SLITRK5: variants seen among roughly 807,000 people sequenced by gnomAD.
The protein encoded by SLITRK5 is SLIT and NTRK like family member 5.
In SLITRK5, 23 loss-of-function variants were observed where a neutral mutation model predicts 56.2. The observed-to-expected ratio is 0.41, with a 90% CI of 0.29 to 0.58. SLITRK5 has a LOEUF of 0.58. Ranked by LOEUF, SLITRK5 falls within the 20% of genes least tolerant of loss-of-function variation. The pLI is 0.30. For synonymous variants in SLITRK5, 637 were observed against 531.8 expected, an observed-to-expected ratio of 1.20 and a Z score of -2.72; for missense variants, 1,289 against 1,226.6, an observed-to-expected ratio of 1.05 and a Z score of -0.76.
In SLITRK5 at chr13:87,678,482, CTCT is replaced by C; in HGVS notation, c.*222_*224del. On this transcript the variant is annotated 3_prime_UTR_variant, in exon 2 of 2. Transcript: ENST00000683689. Reference sequence around the variant, plus strand: ...TTGTGTAAACTGGGCACATCACTTTCTCTTCTTGCGTGTGGGGCAGGTGTGGAG... The same window carrying C: ...TTGTGTAAACTGGGCACATCACTTTCTCTTGCGTGTGGGGCAGGTGTGGAG... 3.4e-6 allele frequency: 2 copies of C among 582,088 alleles called. No homozygotes were observed. Among genetic ancestry groups the C allele is most frequent in the Non-Finnish European group, 3.1e-6 (1 of 323,098 alleles). 36.1% of individuals were successfully genotyped at this position (582,088 alleles called of 1,614,324 possible).
rs1877270558 is a variant in SLITRK5 at position 87,676,291 on chromosome 13, C to T, written c.903C>T (p.Ser301=). The T allele has an allele frequency of 1.9e-6, 3 of 1,614,152 alleles. No individual in the cohort carries two copies. Among genetic ancestry groups the T allele is most frequent in the Non-Finnish European group, 2.5e-6 (3 of 1,180,030 alleles). ...AGATGAGGCCGCAGACGCCTTTGAG[C>T]ACCACGGGGTATTTACACACCACCC... The part of the protein sequence containing the change: ...DYEMRPQTPL[S]TTGYLHTTPA... Residue 301 remains serine (S), a synonymous_variant, in exon 2 of 2, where the codon AGC becomes AGT. Coordinates refer to ENST00000683689, the MANE Select transcript of SLITRK5 (RefSeq NM_001384609.1).
At chr13:87,674,433 G>A (rs1272055620) in intron 1 of SLITRK5, 2 of 983,948 alleles carry the variant, frequency 2.0e-6, no homozygotes, top group African/African-American at 3.5e-5. Context: ...GCTGATCCTT[G>A]GTGTACTGAT....
rs1359137447 is a variant in SLITRK5, at chr13:87,675,981, G to T, written c.593G>T (p.Arg198Leu). 6.2e-7 allele frequency: 1 copy of T among 1,614,058 alleles called. No individual in the cohort carries two copies. Among genetic ancestry groups the T allele is most frequent in the Non-Finnish European group, 8.5e-7 (1 of 1,180,016 alleles). The change falls in exon 2 of 2, where the codon CGT (arginine) becomes CTT (leucine). Residue 198 changes from arginine (R) to leucine (L), a missense_variant. This residue lies in a region of SLITRK5 where 291 missense variants were observed against 286.7 expected (regional missense o/e 1.02). Coordinates refer to ENST00000683689, the MANE Select transcript of SLITRK5 (RefSeq NM_001384609.1). ...LLSSLPNNLF[R>L]FVPLTHLDLR... The stretch of plus-strand genomic sequence containing the variant: ...TCCAGTTTACCCAACAATCTTTTCC[G>T]TTTTGTGCCCTTAACGCACTTGGAC...
In SLITRK5 at chr13:87,676,611, C is replaced by T. The variant is rs1289903966; in HGVS notation, c.1223C>T (p.Pro408Leu). The T allele has an allele frequency of 6.2e-7, 1 of 1,614,056 alleles. No homozygotes were observed. The highest frequency in any genetic ancestry group is 1.1e-5 in the South Asian group (1 of 91,088). ...AGCATCGCTGAACTGCAGCCCAAGC[C>T]CTACAATCCCAAGAAAATGTATCTG... Reference protein sequence around the residue: ...IESIAELQPKPYNPKKMYLTE... With the variant: ...IESIAELQPKLYNPKKMYLTE... Residue 408 changes from proline to leucine, a missense_variant, in exon 2 of 2, where the codon CCC becomes CTC. This residue lies in a region of SLITRK5 where 985 missense variants were observed against 906.0 expected (regional missense o/e 1.09). Transcript: ENST00000683689.
At position 87,672,027 on chromosome 13, in the gene SLITRK5, C is replaced by A. The variant is rs1027590513; in HGVS notation, c.-191C>A. 6.6e-5 allele frequency among the ~76,000 whole-genome samples: 10 copies of A among 152,108 alleles called. No homozygotes were observed. Among genetic ancestry groups the A allele is most frequent in the Non-Finnish European group, 1.0e-4 (7 of 68,028 alleles). On this transcript the variant is annotated 5_prime_UTR_variant, in exon 1 of 2. Coordinates refer to ENST00000683689, the MANE Select transcript of SLITRK5 (RefSeq NM_001384609.1). Reference sequence around the variant, plus strand: ...CGCGACCCGCTCCCTCTGGCTCGTCCCCCGGCGTGCGCCACTGACCAGGGG... The same window carrying A: ...CGCGACCCGCTCCCTCTGGCTCGTCACCCGGCGTGCGCCACTGACCAGGGG...
rs1268095131 is a variant in SLITRK5 at position 87,679,561 on chromosome 13, C to T, written c.*1296C>T. The T allele has an allele frequency of 1.2e-5, 2 of 166,532 alleles. No homozygotes were observed. Among genetic ancestry groups the T allele is most frequent in the African/African-American group, 4.8e-5 (2 of 41,310 alleles). 10.3% of individuals were successfully genotyped at this position (166,532 alleles called of 1,614,324 possible). On this transcript the variant is annotated 3_prime_UTR_variant, in exon 2 of 2. Transcript: ENST00000683689. ...TGTTGTTACAGTCTCATATGTATCC[C>T]AGCACATGTAATTTTTTAAATAGTT...
At position 87,676,985 on chromosome 13, in the gene SLITRK5, C is replaced by T. The variant is rs539339819; in HGVS notation, c.1597C>T (p.Leu533=). Residue 533 remains leucine, a synonymous_variant, in exon 2 of 2, where the codon CTA becomes TTA. Transcript: ENST00000683689. ...GVFSGLTLLR[L]NLRSNHFTSL... ...CTTCTCTGGCTTGACCCTCCTCAGG[C>T]TAAACCTGAGGAGTAACCACTTCAC... The T allele has an allele frequency of 6.2e-7, 1 of 1,614,110 alleles. No homozygotes were observed. Among genetic ancestry groups the T allele is most frequent in the Non-Finnish European group, 8.5e-7 (1 of 1,180,006 alleles).
rs1403145849 is a variant in SLITRK5 at position 87,677,515 on chromosome 13, C to T, written c.2127C>T (p.Ser709=). The T allele has an allele frequency of 6.2e-7, 1 of 1,612,000 alleles. No individual in the cohort carries two copies. The highest frequency in any genetic ancestry group is 1.3e-5 in the African/African-American group (1 of 74,912). The change falls in exon 2 of 2, where the codon TCC becomes TCT. Residue 709 remains serine, a synonymous_variant. Transcript: ENST00000683689. This position sits in a 1 kb window ranked among gnomAD's most constrained non-coding sequence, Gnocchi z 4.7. ...HTSTNNSDVS[S]FNMQYSVYGG... ...GCACCAACAACTCCGACGTGAGCTC[C>T]TTTAACATGCAGTACAGCGTGTACG...
At position 87,675,444 on chromosome 13, in the gene SLITRK5, A is replaced by G. The variant is rs1425688482; in HGVS notation, c.56A>G (p.His19Arg). The G allele has an allele frequency of 6.2e-7, 1 of 1,614,194 alleles. No individual in the cohort carries two copies. Among genetic ancestry groups the G allele is most frequent in the South Asian group, 1.1e-5 (1 of 91,086 alleles). Residue 19 changes from histidine (H) to arginine (R), a missense_variant, in exon 2 of 2, where the codon CAT becomes CGT. By Grantham distance (29) the His-to-Arg change is conservative. Around this residue, in one of 3 missense-constraint regions of SLITRK5, gnomAD observed 291 missense variants for 286.7 expected, o/e 1.02. Transcript: ENST00000683689. The stretch of plus-strand genomic sequence containing the variant: ...GAACAGGACCTTCACAGAAAAATGC[A>G]TAGCTGGATGCTGCAGACTCTAGCG... ...TLEQDLHRKM[H>R]SWMLQTLAFA...
At position 87,671,828 on chromosome 13, in the gene SLITRK5, G is replaced by T. The variant is rs931585884; in HGVS notation, c.-390G>T. Among the ~76,000 whole-genome samples the T allele has an allele frequency of 1.3e-5, 2 of 152,078 alleles. No homozygotes were observed. Among genetic ancestry groups the T allele is most frequent in the Non-Finnish European group, 1.5e-5 (1 of 67,968 alleles). On this transcript the variant is annotated 5_prime_UTR_variant, in exon 1 of 2. Transcript: ENST00000683689. ...GCGGGCTCGGCGCGGAGACAGCGTC[G>T]GCGGGATCCCAGCGCGGTGGTCGCC... is the stretch of plus-strand genomic sequence containing the variant.
At chr13:87,675,133 A>G (rs1877214669) in intron 1 of SLITRK5, among the ~76,000 whole-genome samples, 1 of 152,168 alleles carries the variant, frequency 6.6e-6, no homozygotes, top group Non-Finnish European at 1.5e-5. Context: ...ACCTGCTCTT[A>G]TCTTGTAAGG....
chr13:87,677,670 A>C lies in SLITRK5; in HGVS notation c.2282A>C (p.Lys761Thr). 1 of 1,606,330 alleles carries C rather than the reference A, an allele frequency of 6.2e-7. No individual in the cohort carries two copies. Among genetic ancestry groups the C allele is most frequent in the Non-Finnish European group, 8.5e-7 (1 of 1,174,014 alleles). Residue 761 changes from lysine (K) to threonine (T), a missense_variant, in exon 2 of 2, where the codon AAA becomes ACA. By Grantham distance (78) the Lys-to-Thr change is moderately conservative. Around this residue, in one of 3 missense-constraint regions of SLITRK5, gnomAD observed 985 missense variants for 906.0 expected, o/e 1.09. Coordinates refer to ENST00000683689, the MANE Select transcript of SLITRK5 (RefSeq NM_001384609.1). This position sits in a 1 kb window ranked among gnomAD's most constrained non-coding sequence, Gnocchi z 4.7. ...CCCCACCCACTGGGCCACATGTGCA[A>C]AAACCCCATCTACCGCTCCCGAGAG... ...YIPHPLGHMCKNPIYRSREGN... is the reference protein window; with the variant it reads ...YIPHPLGHMCTNPIYRSREGN...
chr13:87,677,284 G>T lies in SLITRK5; in HGVS notation c.1896G>T (p.Ala632=). ...TPTPSSIQVP[A]RTSAVTPAVR... is the part of the protein sequence containing the mutation. ...CACCCTCCTCTATCCAGGTCCCTGC[G>T]AGGACCAGCGCCGTGACTCCTGCGG... is the stretch of plus-strand genomic sequence containing the variant. The change falls in exon 2 of 2, where the codon GCG becomes GCT. Residue 632 remains alanine (A), a synonymous_variant. Coordinates refer to ENST00000683689, the MANE Select transcript of SLITRK5 (RefSeq NM_001384609.1). The surrounding 1 kb of genome is among the most constrained non-coding windows in gnomAD (Gnocchi z 4.7). 1.2e-6 allele frequency: 2 copies of T among 1,614,138 alleles called. No homozygotes were observed. The highest frequency in any genetic ancestry group is 2.2e-5 in the South Asian group (2 of 91,088).
chr13:87,678,043 T>G lies in SLITRK5; in HGVS notation c.2655T>G (p.Ala885=), dbSNP rs1464088069. The part of the protein sequence containing the change: ...PEYPKFPCSP[A]AYTFSPNYDL... ...ATCCCAAATTCCCGTGCAGCCCCGC[T>G]GCTTACACTTTCTCCCCCAACTATG... Residue 885 remains alanine (A), a synonymous_variant, in exon 2 of 2, where the codon GCT becomes GCG. Coordinates refer to ENST00000683689, the MANE Select transcript of SLITRK5 (RefSeq NM_001384609.1). 6.2e-6 allele frequency: 10 copies of G among 1,614,154 alleles called. No homozygotes were observed. Among genetic ancestry groups the G allele is most frequent in the Non-Finnish European group, 8.5e-6 (10 of 1,179,978 alleles).
Position 87,678,826 on chromosome 13 carries a change from G to T in SLITRK5, c.*561G>T, listed in dbSNP as rs538727733. 6.1e-6 allele frequency: 1 copy of T among 164,288 alleles called. No individual in the cohort carries two copies. Among genetic ancestry groups the T allele is most frequent in the Admixed American group, 6.7e-5 (1 of 14,858 alleles). The allele number at this position is 164,288 out of a possible 1,614,324, so 10.2% of individuals were successfully genotyped here. A position where few individuals can be genotyped will look rare whatever the true frequency, so the allele number is the denominator to read the frequency against. On this transcript the variant is annotated 3_prime_UTR_variant, in exon 2 of 2. Transcript: ENST00000683689. ...TCATTCCTTTTCTTTGTTTTTAAAGGATGTGTTTGTATGCATTCTGGACAT... is the reference window on the plus strand; with the variant it reads ...TCATTCCTTTTCTTTGTTTTTAAAGTATGTGTTTGTATGCATTCTGGACAT...
intron 1 of SLITRK5, chr13:87,674,391 G>A (rs1303409882): frequency 2.4e-5 from 24 of 985,236 alleles, no homozygotes; most frequent in Non-Finnish European, 2.9e-5. Context: ...GTTGCAAATA[G>A]ACGCGGAGCC....
chr13:87,674,314 G>T (rs1891902256), intron 1 of SLITRK5: 2 of 784,188 alleles, frequency 2.6e-6, no homozygotes, highest in African/African-American at 3.8e-5. Context: ...ACAATTAAAT[G>T]TAATAAGCAA....
At position 87,675,945 on chromosome 13, in the gene SLITRK5, A is replaced by G; in HGVS notation, c.557A>G (p.Asp186Gly). The change falls in exon 2 of 2, where the codon GAC (aspartate) becomes GGC (glycine). Residue 186 changes from aspartate (D) to glycine (G), a missense_variant. Asp to Gly is a moderately conservative substitution (Grantham distance 94). Around this residue, in one of 3 missense-constraint regions of SLITRK5, gnomAD observed 291 missense variants for 286.7 expected, o/e 1.02. Coordinates refer to ENST00000683689, the MANE Select transcript of SLITRK5 (RefSeq NM_001384609.1). ...TTGTTGCAGGTGCTTATCCTCAATG[A>G]CAATCTTTTGTCCAGTTTACCCAAC... ...LHLLQVLILNDNLLSSLPNNL... is the reference protein window; with the variant it reads ...LHLLQVLILNGNLLSSLPNNL... 1 of 1,614,104 alleles carries G rather than the reference A, an allele frequency of 6.2e-7. No individual in the cohort carries two copies. Among genetic ancestry groups the G allele is most frequent in the Non-Finnish European group, 8.5e-7 (1 of 1,180,018 alleles).
At chr13:87,673,111 T>A (rs894742972) in intron 1 of SLITRK5, among the ~76,000 whole-genome samples, 2 of 151,700 alleles carry the variant, frequency 1.3e-5, no homozygotes, top group East Asian at 2.0e-4. Flanking sequence ...AGAGGCTCCA[T>A]GCTGCTTACT....
Sources: gnomAD v4.1 joint callset for allele counts (sites outside exome capture counted in the v4.1 genomes callset) on GRCh38, gnomAD v4.1.1 for gene constraint, gnomAD v4.1.1 regional missense constraint, Gnocchi (gnomAD v3.1) non-coding constraint, MANE v1.5 for transcripts, NCBI Gene and HGNC (gene_info 2026-07-23, HGNC 2026-07-21) for gene names.